RABGAP1L: variants seen among roughly 807,000 people sequenced by gnomAD.
RABGAP1L encodes RAB GTPase activating protein 1 like, also known as rab GTPase-activating protein 1-like.
RABGAP1L carries 63 observed loss-of-function variants against 137.7 expected under a neutral mutation model. The ratio of observed to expected loss-of-function variants is 0.46; its 90% CI spans 0.37 to 0.56. The LOEUF is 0.56. Among genes scored for constraint, RABGAP1L ranks in the 20% least tolerant of loss-of-function variants. The pLI is 0.00. For synonymous variants in RABGAP1L, 431 were observed against 433.7 expected (o/e 0.99, Z 0.08); for missense variants, 1,095 against 1,244.0 (o/e 0.88, Z 1.80).
At chr1:174,362,966 T>C (rs1684276885) in intron 11 of RABGAP1L, among the ~76,000 whole-genome samples, 1 of 152,184 alleles carries the variant, frequency 6.6e-6, no homozygotes, top group Non-Finnish European at 1.5e-5. Flanking sequence ...TTTTTGTGCA[T>C]GGTGTAAGGA....
chr1:174,621,013 A>G (rs928139201), intron 13 of RABGAP1L, among the ~76,000 whole-genome samples: 16 of 152,106 alleles, frequency 1.1e-4, no homozygotes, highest in Non-Finnish European at 1.8e-4. Flanking sequence ...ATACCTCTAC[A>G]CAAATAAACT....
At chr1:174,951,416 T>C (rs1667686230) in intron 19 of RABGAP1L, among the ~76,000 whole-genome samples, 1 of 152,204 alleles carries the variant, frequency 6.6e-6, no homozygotes, top group Admixed American at 6.5e-5. Flanking sequence ...GGATTAAATA[T>C]AGATTTTTCT....
chr1:174,488,936 T>A (rs1659944272), intron 13 of RABGAP1L, among the ~76,000 whole-genome samples: 1 of 102,070 alleles, frequency 9.8e-6, no homozygotes, highest in Non-Finnish European at 1.8e-5. Context: ...CCACAACAGG[T>A]CCCAGTGTGT....
chr1:174,600,265 T>C (rs999396717), intron 13 of RABGAP1L, among the ~76,000 whole-genome samples: 1 of 152,184 alleles, frequency 6.6e-6, no homozygotes, highest in Non-Finnish European at 1.5e-5. Flanking sequence ...TTCTGGGAGA[T>C]ACAATTCAAG....
chr1:174,266,050 C>T (rs1674042786), intron 7 of RABGAP1L, among the ~76,000 whole-genome samples: 1 of 152,054 alleles, frequency 6.6e-6, no homozygotes, highest in South Asian at 2.1e-4. Context: ...GAGACTCCTT[C>T]TTCCTATTAC....
intron 14 of RABGAP1L, among the ~76,000 whole-genome samples, chr1:174,679,148 G>A (rs1341982853): frequency 6.6e-6 from 1 of 152,114 alleles, no homozygotes; most frequent in Non-Finnish European, 1.5e-5. Context: ...TAGATGATTG[G>A]CTATTTCTTT....
chr1:174,891,333 A>G (rs987165582), intron 19 of RABGAP1L, among the ~76,000 whole-genome samples: 7 of 152,222 alleles, frequency 4.6e-5, no homozygotes, highest in African/African-American at 1.7e-4. Context: ...TAGGTTGTGT[A>G]TGTAATGCTG....
intron 19 of RABGAP1L, among the ~76,000 whole-genome samples, chr1:174,928,456 C>T (rs770163615): frequency 5.3e-5 from 8 of 151,328 alleles, no homozygotes; most frequent in African/African-American, 1.9e-4. Context: ...ATTCAGTTCA[C>T]GTATAATGAT....
intron 13 of RABGAP1L, among the ~76,000 whole-genome samples, chr1:174,587,326 G>C (rs965312520): frequency 6.7e-6 from 1 of 150,336 alleles, no homozygotes; most frequent in Non-Finnish European, 1.5e-5. Context: ...ATAGCATTGG[G>C]AGATATACTT....
At position 174,195,767 on chromosome 1, in the gene RABGAP1L, CTCTCTTTCCTTT is replaced by C. The variant is rs1459699141; in HGVS notation, c.-33-23357_-33-23346del. 2.1e-4 allele frequency among the ~76,000 whole-genome samples: 27 copies of C among 129,756 alleles called. 1 individual carries two copies. The highest frequency in any genetic ancestry group is 7.0e-4 in the African/African-American group (23 of 33,028). 85.1% of individuals were successfully genotyped at this position (129,756 alleles called of 152,430 possible). A position where few individuals can be genotyped will look rare whatever the true frequency, so the allele number is the denominator to read the frequency against. ...TCTTTCTTTCTCTCTTTCTCTCTTT[CTCTCTTTCCTTT>C]CTTTCTTTTCTTTCTTTCTTTCTTT... On this transcript the variant is annotated intron_variant, in intron 1 of 25. Coordinates refer to ENST00000681986, the MANE Select transcript of RABGAP1L (RefSeq NM_001366446.1).
chr1:174,425,807 T>A (rs1211543840), intron 13 of RABGAP1L, among the ~76,000 whole-genome samples: 2 of 152,044 alleles, frequency 1.3e-5, no homozygotes, highest in African/African-American at 4.8e-5. Context: ...TTTACAGATA[T>A]AAAGACATTC....
intron 19 of RABGAP1L, among the ~76,000 whole-genome samples, chr1:174,935,852 A>C (rs1442128727): frequency 6.6e-6 from 1 of 152,010 alleles, no homozygotes; most frequent in East Asian, 1.9e-4. Flanking sequence ...GTGGTGGCAC[A>C]TGCCTGTAAT....
chr1:174,730,655 A>G (rs1401563047), intron 17 of RABGAP1L, among the ~76,000 whole-genome samples: 1 of 152,178 alleles, frequency 6.6e-6, no homozygotes, highest in Non-Finnish European at 1.5e-5. Context: ...CCAGTGCCCC[A>G]GTGTGGGTTC....
intron 19 of RABGAP1L, among the ~76,000 whole-genome samples, chr1:174,825,310 G>C (rs953500130): frequency 1.8e-4 from 28 of 152,218 alleles, no homozygotes; most frequent in Admixed American, 4.6e-4. Flanking sequence ...CGTTCTCATT[G>C]TGGCACAAGT....
intron 10 of RABGAP1L, among the ~76,000 whole-genome samples, chr1:174,287,708 G>T (rs1002718223): frequency 2.6e-5 from 4 of 152,004 alleles, no homozygotes; most frequent in African/African-American, 9.7e-5. Flanking sequence ...GGCCAGACTG[G>T]TCTTGAACTC....
intron 8 of RABGAP1L, among the ~76,000 whole-genome samples, chr1:174,272,995 A>T (rs1048396747): frequency 3.9e-5 from 6 of 152,038 alleles, no homozygotes; most frequent in Non-Finnish European, 7.4e-5. Context: ...TCAACAGTTG[A>T]TATTTAGTGT....
chr1:174,800,896 G>A (rs1263283644), intron 18 of RABGAP1L, among the ~76,000 whole-genome samples: 1 of 152,122 alleles, frequency 6.6e-6, no homozygotes, highest in Non-Finnish European at 1.5e-5. Flanking sequence ...ACTGTGTGTG[G>A]TTTGCTTTCT....
chr1:174,825,108 C>G (rs1402302836), intron 19 of RABGAP1L, among the ~76,000 whole-genome samples: 7 of 152,192 alleles, frequency 4.6e-5, no homozygotes, highest in Non-Finnish European at 1.0e-4. Flanking sequence ...CTACCTTTTG[C>G]CTTTTTTCTT....
At chr1:174,362,352 G>A (rs1342511657) in intron 11 of RABGAP1L, among the ~76,000 whole-genome samples, 3 of 152,154 alleles carry the variant, frequency 2.0e-5, no homozygotes, top group South Asian at 2.1e-4. Context: ...TTGAGGAATC[G>A]CCACACTGTC....
Sources: gnomAD v4.1 joint callset for allele counts (sites outside exome capture counted in the v4.1 genomes callset) on GRCh38, gnomAD v4.1.1 for gene constraint, MANE v1.5 for transcripts, NCBI Gene and HGNC (gene_info 2026-07-23, HGNC 2026-07-21) for gene names.